The following MACROD2 variants were observed in gnomAD, a reference collection of about 807,000 sequenced individuals.
The protein encoded by MACROD2 is mono-ADP ribosylhydrolase 2, also known as ADP-ribose glycohydrolase MACROD2.
A neutral mutation model predicts 70.4 loss-of-function variants in MACROD2; 36 were observed. The observed-to-expected ratio is 0.51, with a 90% CI of 0.39 to 0.68. The LOEUF (loss-of-function observed/expected upper bound fraction) is 0.68. MACROD2 is among the 30% of genes least tolerant of loss of function. The pLI is 0.00. For missense variants in MACROD2, 496 were observed against 538.4 expected (o/e 0.92, Z 0.78); for synonymous variants, 172 against 178.8 (o/e 0.96, Z 0.30).
chr20:14,024,308 C>T (rs2053126969), intron 2 of MACROD2, among the ~76,000 whole-genome samples: 1 of 152,224 alleles, frequency 6.6e-6, no homozygotes, highest in Non-Finnish European at 1.5e-5. Flanking sequence ...ATGGGGTTTT[C>T]TAAATGTACA....
Position 15,986,741 on chromosome 20 carries a change from T to C in MACROD2, c.1000T>C (p.Ser334Pro). 6.2e-7 allele frequency: 1 copy of C among 1,613,222 alleles called. No homozygotes were observed. Among genetic ancestry groups the C allele is most frequent in the Non-Finnish European group, 8.5e-7 (1 of 1,179,268 alleles). ...GTTTTGAACAGGACAAGAGAATGAT[T>C]CAACGAAGAATGAAATAAAAATTGA... is the stretch of plus-strand genomic sequence containing the variant. ...QDHPDGQEND[S>P]TKNEIKIETE... The change falls in exon 14 of 18, where the codon TCA (serine) becomes CCA (proline). Residue 334 changes from serine (S) to proline (P), a missense_variant. Transcript: ENST00000684519.
At chr20:15,790,149 T>C (rs17705904) in intron 8 of MACROD2, among the ~76,000 whole-genome samples, 18,273 of 151,972 alleles carry the variant, frequency 0.12, 1,267 homozygotes, top group Middle Eastern at 0.27. Flanking sequence ...GACAAACTTA[T>C]AACAGTCTTA....
In MACROD2 at chr20:15,737,968, G is replaced by A. The variant is rs183774102; in HGVS notation, c.646-124777G>A. On this transcript the variant is annotated intron_variant, in intron 8 of 17. Transcript: ENST00000684519. ...AAACAAAACACAGGTAGACAGACAG[G>A]TAAATATATAGATTAAAAGAGAGCT... Among the ~76,000 whole-genome samples the A allele has an allele frequency of 2.0e-5, 3 of 152,168 alleles. No homozygotes were observed. The East Asian group carries it at 5.8e-4, about 29-fold the overall frequency.
chr20:15,958,302 T>A (rs562755957), intron 12 of MACROD2, among the ~76,000 whole-genome samples: 2 of 152,276 alleles, frequency 1.3e-5, no homozygotes, highest in South Asian at 4.1e-4. Context: ...CTCCCTGCCA[T>A]CCTAGGACAC....
At chr20:14,499,566 T>C (rs1261023374) in intron 4 of MACROD2, among the ~76,000 whole-genome samples, 1 of 151,912 alleles carries the variant, frequency 6.6e-6, no homozygotes, top group East Asian at 1.9e-4. Flanking sequence ...TTAGGTGGGA[T>C]TGATCCTGGG....
intron 5 of MACROD2, among the ~76,000 whole-genome samples, chr20:14,698,741 T>C (rs1670481740): frequency 1.3e-5 from 2 of 150,784 alleles, no homozygotes; most frequent in South Asian, 4.1e-4. Flanking sequence ...TAGAAAACTT[T>C]ATTAATTTAA....
chr20:15,454,406 A>AC (rs2046688838), intron 7 of MACROD2, among the ~76,000 whole-genome samples: 2 of 137,428 alleles, frequency 1.5e-5, no homozygotes, highest in Non-Finnish European at 3.1e-5. Flanking sequence ...GACATATTCA[A>AC]ACACACACAC....
intron 6 of MACROD2, among the ~76,000 whole-genome samples, chr20:15,284,565 C>T (rs2077474993): frequency 1.3e-5 from 2 of 152,118 alleles, no homozygotes; most frequent in Non-Finnish European, 2.9e-5. Context: ...TTGATAATGT[C>T]ATCTTTTCCC....
intron 3 of MACROD2, among the ~76,000 whole-genome samples, chr20:14,186,755 C>T (rs2081348011): frequency 6.6e-6 from 1 of 152,316 alleles, no homozygotes; most frequent in South Asian, 2.1e-4. Context: ...CCTTGGAATG[C>T]TACGCAGCTA....
intron 3 of MACROD2, among the ~76,000 whole-genome samples, chr20:14,431,905 G>A (rs1250114877): frequency 1.3e-5 from 2 of 152,152 alleles, no homozygotes; most frequent in Admixed American, 1.3e-4. Context: ...CACTGATCCT[G>A]ATCCCCAGGA....
chr20:15,824,253 C>T (rs1384445547), intron 8 of MACROD2, among the ~76,000 whole-genome samples: 1 of 151,940 alleles, frequency 6.6e-6, no homozygotes, highest in African/African-American at 2.4e-5. Context: ...CTCTCTCTCT[C>T]TCTCTGTGTG....
intron 3 of MACROD2, among the ~76,000 whole-genome samples, chr20:14,181,539 G>A (rs1047456035): frequency 3.3e-5 from 5 of 151,704 alleles, no homozygotes; most frequent in African/African-American, 7.2e-5. Context: ...CTGGCTTTTA[G>A]TGTATTTATA....
At chr20:14,020,805 T>C (rs2053065974) in intron 2 of MACROD2, among the ~76,000 whole-genome samples, 1 of 152,162 alleles carries the variant, frequency 6.6e-6, no homozygotes, top group Non-Finnish European at 1.5e-5. Flanking sequence ...GTTACAGAGA[T>C]TTCCTCAGGA....
intron 5 of MACROD2, among the ~76,000 whole-genome samples, chr20:14,959,571 G>GAATA (rs2074565848): frequency 6.6e-6 from 1 of 152,032 alleles, no homozygotes; most frequent in African/African-American, 2.4e-5. Flanking sequence ...ACATAGGCTG[G>GAATA]AACACAAGGG....
chr20:15,960,940 G>T (rs926078807), intron 12 of MACROD2, among the ~76,000 whole-genome samples: 1 of 152,168 alleles, frequency 6.6e-6, no homozygotes, highest in Non-Finnish European at 1.5e-5. Flanking sequence ...GATGTCAGAG[G>T]TGGAGATAGT....
intron 5 of MACROD2, among the ~76,000 whole-genome samples, chr20:15,164,109 T>C (rs1426192126): frequency 6.6e-6 from 1 of 152,110 alleles, no homozygotes; most frequent in Non-Finnish European, 1.5e-5. Context: ...TCAAAGGACA[T>C]ACAGTGAGCC....
At chr20:15,933,744 G>A (rs977728510) in intron 11 of MACROD2, among the ~76,000 whole-genome samples, 1 of 152,158 alleles carries the variant, frequency 6.6e-6, no homozygotes, top group African/African-American at 2.4e-5. Context: ...TGAGTAGAAT[G>A]TTCTTTAGTG....
chr20:15,232,276 C>T (rs2076965851), intron 6 of MACROD2, among the ~76,000 whole-genome samples: 2 of 151,968 alleles, frequency 1.3e-5, no homozygotes, highest in Admixed American at 1.3e-4. Flanking sequence ...ATTTTGTCAA[C>T]TTATCACAAT....
At chr20:14,272,410 G>A (rs2082204502) in intron 3 of MACROD2, among the ~76,000 whole-genome samples, 1 of 151,674 alleles carries the variant, frequency 6.6e-6, no homozygotes, top group Non-Finnish European at 1.5e-5. Context: ...CATAAGTGAA[G>A]GAGAAATAAA....
Sources: allele counts gnomAD v4.1 joint callset (sites outside exome capture counted in the v4.1 genomes callset), GRCh38; gene constraint gnomAD v4.1.1; transcripts MANE v1.5; gene names NCBI Gene and HGNC (gene_info 2026-07-23, HGNC 2026-07-21).